Variants in SEMA6A observed in about 807,000 individuals in gnomAD.
The protein encoded by SEMA6A is semaphorin 6A.
SEMA6A carries 25 observed loss-of-function variants against 96.8 expected under a neutral mutation model. That is an observed-to-expected ratio of 0.26 (90% CI 0.19 to 0.36). SEMA6A has a LOEUF of 0.36. SEMA6A is among the 10% of genes least tolerant of loss of function. SEMA6A has a pLI of 1.00. For missense variants in SEMA6A, 1,363 were observed against 1,323.1 expected, an observed-to-expected ratio of 1.03 and a Z score of -0.47; for synonymous variants, 612 against 518.0, an observed-to-expected ratio of 1.18 and a Z score of -2.46.
chr5:116,452,578 A>T (rs951922367), intron 18 of SEMA6A, among the ~76,000 whole-genome samples: 1 of 152,240 alleles, frequency 6.6e-6, no homozygotes, highest in Admixed American at 6.5e-5. Context: ...GAACAATTGT[A>T]AACTGAAAAC....
chr5:116,502,919 G>A (rs181753066), intron 2 of SEMA6A, among the ~76,000 whole-genome samples: 4 of 152,284 alleles, frequency 2.6e-5, no homozygotes, highest in Non-Finnish European at 5.9e-5. Context: ...TTAAGCAATT[G>A]GCTAACAATT....
At chr5:116,530,389 C>T (rs1419587666) in intron 1 of SEMA6A, among the ~76,000 whole-genome samples, 2 of 152,100 alleles carry the variant, frequency 1.3e-5, no homozygotes, top group African/African-American at 2.4e-5. Context: ...TAAAATATCA[C>T]GGATTTCATA....
intron 1 of SEMA6A, among the ~76,000 whole-genome samples, chr5:116,532,786 G>A (rs979206123): frequency 3.4e-4 from 51 of 151,956 alleles, no homozygotes; most frequent in African/African-American, 1.1e-3. Context: ...TGTATGTCAC[G>A]GTGCTTTGTT....
At chr5:116,562,491 A>C in intron 1 of SEMA6A, 1 of 453,760 alleles carries the variant, frequency 2.2e-6, no homozygotes. Flanking sequence ...CTCATGACAC[A>C]GGAAAAAGTA....
At chr5:116,497,496 A>G in intron 3 of SEMA6A, 109 bp from the exon 4 acceptor site, 2 of 602,662 alleles carry the variant, frequency 3.3e-6, no homozygotes, top group Non-Finnish European at 5.8e-6. Flanking sequence ...ATCCATGTTC[A>G]TGATATCCAC....
intron 3 of SEMA6A, chr5:116,498,621 G>T (rs1757728540): frequency 6.6e-6 from 1 of 152,034 alleles, no homozygotes; most frequent in Non-Finnish European, 1.5e-5. Context: ...GGAGGAGTAG[G>T]GGCCTGTTTT....
chr5:116,454,807 T>C (rs1359076426), intron 18 of SEMA6A, among the ~76,000 whole-genome samples: 1 of 139,804 alleles, frequency 7.2e-6, no homozygotes, highest in Admixed American at 7.1e-5. Flanking sequence ...TGTGTGTGTG[T>C]GTGCATGTGT....
At chr5:116,539,842 A>G (rs1455038841) in intron 1 of SEMA6A, among the ~76,000 whole-genome samples, 2 of 152,136 alleles carry the variant, frequency 1.3e-5, no homozygotes, top group Non-Finnish European at 2.9e-5. Context: ...TGGTTTTTAT[A>G]TAAAATTTTA....
At chr5:116,545,103 C>A (rs1760129204) in intron 1 of SEMA6A, among the ~76,000 whole-genome samples, 1 of 152,122 alleles carries the variant, frequency 6.6e-6, no homozygotes, top group Non-Finnish European at 1.5e-5. Flanking sequence ...CCTAAGTCAC[C>A]CTTAGTTACC....
chr5:116,563,298 T>G (rs1297604474), intron 1 of SEMA6A, among the ~76,000 whole-genome samples: 1 of 152,158 alleles, frequency 6.6e-6, no homozygotes, highest in Non-Finnish European at 1.5e-5. Context: ...TAAATTCCTT[T>G]AAAATTAGGA....
At position 116,446,543 on chromosome 5, in the gene SEMA6A, G is replaced by C; in HGVS notation, c.*70C>G. The C allele has an allele frequency of 1.5e-6, 2 of 1,333,848 alleles. No individual in the cohort carries two copies. The highest frequency in any genetic ancestry group is 2.0e-6 in the Non-Finnish European group (2 of 996,566). The allele number at this position is 1,333,848 out of a possible 1,614,324, so 82.6% of individuals were successfully genotyped here. ...TCTGGTGGGTACTCGAGGCAGTTGAGAACCTTGCTGAGCTGAGCGGGCACC... is the reference window on the plus strand; with the variant it reads ...TCTGGTGGGTACTCGAGGCAGTTGACAACCTTGCTGAGCTGAGCGGGCACC... On this transcript the variant is annotated 3_prime_UTR_variant, in exon 19 of 19. Transcript: ENST00000343348.
intron 17 of SEMA6A, chr5:116,471,761 G>A (rs1561478577): frequency 6.6e-6 from 1 of 152,150 alleles, no homozygotes; most frequent in African/African-American, 2.4e-5. Context: ...CAGTCTTTAA[G>A]ATATTCAAAA....
At chr5:116,542,646 ATTTC>A (rs1276611863) in intron 1 of SEMA6A, among the ~76,000 whole-genome samples, 1 of 152,202 alleles carries the variant, frequency 6.6e-6, no homozygotes, top group African/African-American at 2.4e-5. Context: ...GAGAATCTGG[ATTTC>A]TTTGACAGTG....
intron 1 of SEMA6A, among the ~76,000 whole-genome samples, chr5:116,557,481 T>C (rs1009223154): frequency 7.2e-5 from 11 of 152,380 alleles, no homozygotes; most frequent in African/African-American, 2.6e-4. Flanking sequence ...CAAAGTGCTT[T>C]TCTTAATACT....
chr5:116,553,870 G>GTA (rs1274555096), intron 1 of SEMA6A, among the ~76,000 whole-genome samples: 1 of 152,190 alleles, frequency 6.6e-6, no homozygotes, highest in African/African-American at 2.4e-5. Context: ...CAGCAACCAT[G>GTA]TATACCATTT....
intron 1 of SEMA6A, among the ~76,000 whole-genome samples, chr5:116,541,331 C>A (rs1759955731): frequency 6.6e-6 from 1 of 152,126 alleles, no homozygotes; most frequent in African/African-American, 2.4e-5. Flanking sequence ...GGGTAAGAAT[C>A]ACCAAAATTC....
intron 10 of SEMA6A, among the ~76,000 whole-genome samples, chr5:116,484,808 G>A (rs1580420359): frequency 6.6e-6 from 1 of 152,200 alleles, no homozygotes; most frequent in Admixed American, 6.5e-5. Flanking sequence ...CTCGCAGAAA[G>A]CAATGAATGA....
chr5:116,545,589 C>T (rs1180195283), intron 1 of SEMA6A, among the ~76,000 whole-genome samples: 1 of 152,130 alleles, frequency 6.6e-6, no homozygotes, highest in African/African-American at 2.4e-5. Context: ...AATTGCTTCC[C>T]TCCTTTGTTC....
rs1761369670 is a variant in SEMA6A at position 116,574,257 on chromosome 5, T to C, written c.-111A>G. On this transcript the variant is annotated 5_prime_UTR_variant, in exon 1 of 19. Transcript: ENST00000343348. ...GTACAGCGTGTATCCCATTTAGTAA[T>C]CCATTATCGAGGGGATCTCTCCGGG... The C allele has an allele frequency of 2.0e-5, 3 of 151,718 alleles. No homozygotes were observed. The highest frequency in any genetic ancestry group is 4.4e-5 in the Non-Finnish European group (3 of 67,824). 9.4% of individuals were successfully genotyped at this position (151,718 alleles called of 1,614,324 possible).
Sources: gnomAD v4.1 joint callset for allele counts (sites outside exome capture counted in the v4.1 genomes callset) on GRCh38, gnomAD v4.1.1 for gene constraint, MANE v1.5 for transcripts, NCBI Gene and HGNC (gene_info 2026-07-23, HGNC 2026-07-21) for gene names.